Variants in CCDC91 observed in about 807,000 individuals in gnomAD.
The protein encoded by CCDC91 is coiled-coil domain containing 91, also known as coiled-coil domain-containing protein 91.
A neutral mutation model predicts 63.2 loss-of-function variants in CCDC91; 48 were observed. The ratio of observed to expected loss-of-function variants is 0.76; its 90% CI spans 0.60 to 0.97. The LOEUF is 0.97. Among genes scored for constraint, CCDC91 ranks in the 50% least tolerant of loss-of-function variants. The pLI is 0.00. For missense variants in CCDC91, 500 were observed against 494.6 expected (o/e 1.01, Z -0.10); for synonymous variants, 167 against 165.8 (o/e 1.01, Z -0.06).
chr12:28,198,413 G>T (rs1430697877), intron 1 of CCDC91, among the ~76,000 whole-genome samples: 3 of 152,176 alleles, frequency 2.0e-5, no homozygotes, highest in Non-Finnish European at 4.4e-5. Flanking sequence ...GATTAAAGAT[G>T]AGATTAAGTA....
At chr12:28,345,020 G>A (rs1302111068) in intron 6 of CCDC91, among the ~76,000 whole-genome samples, 1 of 152,026 alleles carries the variant, frequency 6.6e-6, no homozygotes, top group African/African-American at 2.4e-5. Flanking sequence ...TAGACACTTA[G>A]TATTTTATTA....
In CCDC91 at chr12:28,433,535, A is replaced by G. The variant is rs866974679; in HGVS notation, c.763-16626A>G. ...ATATCAGTTGACTATATGCAGTTCT[A>G]TTTTCTCTCTGTTCTGTTCCATTTA... On this transcript the variant is annotated intron_variant, in intron 8 of 12. Coordinates refer to ENST00000536442, the MANE Select transcript of CCDC91 (RefSeq NM_018318.5). 1.3e-3 allele frequency among the ~76,000 whole-genome samples: 199 copies of G among 151,768 alleles called. 1 individual carries two copies. The highest frequency in any genetic ancestry group is 4.7e-3 in the African/African-American group (195 of 41,428).
intron 12 of CCDC91, among the ~76,000 whole-genome samples, chr12:28,538,454 G>A (rs1417237685): frequency 6.6e-6 from 1 of 151,920 alleles, no homozygotes; most frequent in Non-Finnish European, 1.5e-5. Context: ...TTTTATGGCT[G>A]CATAGTATTC....
At chr12:28,548,660 A>T (rs969570483) in intron 12 of CCDC91, among the ~76,000 whole-genome samples, 2 of 151,938 alleles carry the variant, frequency 1.3e-5, no homozygotes, top group African/African-American at 4.8e-5. Flanking sequence ...GTTCCACTAA[A>T]CCCTGTGTAT....
chr12:28,214,651 TA>T (rs1439745984), intron 1 of CCDC91, among the ~76,000 whole-genome samples: 3 of 152,166 alleles, frequency 2.0e-5, no homozygotes, highest in East Asian at 1.9e-4. Context: ...ATAGTTCGAC[TA>T]TATATAATAG....
chr12:28,378,284 T>G (rs1244793282), intron 7 of CCDC91, among the ~76,000 whole-genome samples: 2 of 152,128 alleles, frequency 1.3e-5, no homozygotes, highest in Non-Finnish European at 2.9e-5. Flanking sequence ...GCTTTGAATT[T>G]TAGCAATGTA....
At chr12:28,487,224 C>T (rs1369977610) in intron 12 of CCDC91, among the ~76,000 whole-genome samples, 2 of 151,738 alleles carry the variant, frequency 1.3e-5, no homozygotes, top group East Asian at 3.9e-4. Flanking sequence ...ATTAATAATA[C>T]ATGCTGTGGC....
intron 8 of CCDC91, among the ~76,000 whole-genome samples, chr12:28,420,403 T>C (rs760895665): frequency 6.6e-6 from 1 of 152,192 alleles, no homozygotes; most frequent in Non-Finnish European, 1.5e-5. Context: ...TGTGAATAAT[T>C]CTTTTATTTA....
At chr12:28,534,136 C>T (rs2141669651) in intron 12 of CCDC91, among the ~76,000 whole-genome samples, 1 of 152,248 alleles carries the variant, frequency 6.6e-6, no homozygotes, top group East Asian at 1.9e-4. Context: ...TAGACACTTA[C>T]ATGTTCTAAC....
chr12:28,452,132 T>C (rs1398678961), intron 10 of CCDC91, among the ~76,000 whole-genome samples: 1 of 151,486 alleles, frequency 6.6e-6, no homozygotes, highest in Non-Finnish European at 1.5e-5. Context: ...ATTTCTAATA[T>C]GTATTAATAC....
chr12:28,203,645 T>C (rs1942629551), intron 1 of CCDC91, among the ~76,000 whole-genome samples: 1 of 152,222 alleles, frequency 6.6e-6, no homozygotes, highest in Admixed American at 6.5e-5. Context: ...TGCAGTATAG[T>C]TAGGAATTTA....
intron 8 of CCDC91, 134 bp downstream of exon 8, chr12:28,391,545 T>C: frequency 9.6e-6 from 5 of 520,270 alleles, no homozygotes; most frequent in Non-Finnish European, 1.7e-5. Context: ...TTATGTAAAC[T>C]CAAAGATTGA....
intron 12 of CCDC91, among the ~76,000 whole-genome samples, chr12:28,486,572 C>CT (rs143711043): frequency 6.6e-5 from 10 of 151,806 alleles, no homozygotes; most frequent in African/African-American, 2.4e-4. Context: ...GATAATGTTA[C>CT]TTTTTTTGTC....
chr12:28,503,378 C>T (rs1302341245), intron 12 of CCDC91, among the ~76,000 whole-genome samples: 2 of 152,184 alleles, frequency 1.3e-5, no homozygotes, highest in African/African-American at 4.8e-5. Context: ...ATCAAAACCA[C>T]AATGAGATAC....
At chr12:28,267,876 T>TATATAATTATTATAATTATATATA (rs1947404945) in intron 3 of CCDC91, among the ~76,000 whole-genome samples, 2 of 79,136 alleles carry the variant, frequency 2.5e-5, no homozygotes, top group African/African-American at 1.0e-4. Flanking sequence ...TATATAATTA[T>TATATAATTATTATAATTATATATA]ATATAATTAT....
At chr12:28,484,337 A>G (rs1159098694) in intron 12 of CCDC91, 172 bp downstream of exon 12, 5 of 366,222 alleles carry the variant, frequency 1.4e-5, no homozygotes, top group African/African-American at 8.5e-5. Flanking sequence ...TTATGTCTAT[A>G]AACATAAATC....
chr12:28,196,549 TAC>T (rs1941786187), intron 1 of CCDC91, among the ~76,000 whole-genome samples: 1 of 152,236 alleles, frequency 6.6e-6, no homozygotes, highest in African/African-American at 2.4e-5. Flanking sequence ...AGAGAAGGTA[TAC>T]AGTCTTTTAC....
chr12:28,198,059 T>A (rs1470085052), intron 1 of CCDC91, among the ~76,000 whole-genome samples: 9 of 152,180 alleles, frequency 5.9e-5, no homozygotes. Context: ...ATATGTACAT[T>A]TTGGTATTTA....
At chr12:28,413,926 T>G (rs1270822287) in intron 8 of CCDC91, among the ~76,000 whole-genome samples, 2 of 152,218 alleles carry the variant, frequency 1.3e-5, no homozygotes, top group Non-Finnish European at 2.9e-5. Context: ...ATGAATACGG[T>G]ACATGTCCTT....
Sources: gnomAD v4.1 joint callset for allele counts (sites outside exome capture counted in the v4.1 genomes callset) on GRCh38, gnomAD v4.1.1 for gene constraint, MANE v1.5 for transcripts, NCBI Gene and HGNC (gene_info 2026-07-23, HGNC 2026-07-21) for gene names.